The following RNF157 variants were observed in gnomAD, a reference collection of about 807,000 sequenced individuals.
RNF157 encodes ring finger protein 157.
RNF157 carries 55 observed loss-of-function variants against 88.3 expected under a neutral mutation model. That is an observed-to-expected ratio of 0.62 (90% CI 0.50 to 0.78). The LOEUF (loss-of-function observed/expected upper bound fraction) is 0.78, where lower values mean the gene tolerates loss of function less well. Among genes scored for constraint, RNF157 ranks in the 30% least tolerant of loss-of-function variants. The pLI, the probability that RNF157 is intolerant of heterozygous loss-of-function variation, is 0.00. For synonymous variants in RNF157, 334 were observed against 341.2 expected, an observed-to-expected ratio of 0.98 and a Z score of 0.23; for missense variants, 788 against 860.8, an observed-to-expected ratio of 0.92 and a Z score of 1.06.
chr17:76,225,627 G>T, intron 1 of RNF157: 2 of 819,590 alleles, frequency 2.4e-6, no homozygotes, highest in Non-Finnish European at 1.8e-6. Context: ...TTTATGGCAT[G>T]ACCTCATTGT....
chr17:76,150,036 A>G (rs541021576), intron 18 of RNF157, among the ~76,000 whole-genome samples: 1 of 152,200 alleles, frequency 6.6e-6, no homozygotes, highest in African/African-American at 2.4e-5. Context: ...CTGTCTCAAA[A>G]AAAACAAAAA....
At chr17:76,172,239 G>A (rs573340596) in intron 3 of RNF157, among the ~76,000 whole-genome samples, 8 of 152,278 alleles carry the variant, frequency 5.3e-5, no homozygotes, top group Admixed American at 2.0e-4. Flanking sequence ...GCTTGAGCCC[G>A]GGAAGTTAAG....
At chr17:76,152,576 T>TA (rs1234736703) in intron 17 of RNF157, 111 bp from the exon 18 acceptor site, 22 of 702,584 alleles carry the variant, frequency 3.1e-5, no homozygotes, top group East Asian at 5.0e-5. Flanking sequence ...AATCATATGT[T>TA]AAAAAAAAGA....
In RNF157 at chr17:76,239,539, AC is replaced by A. The variant is rs571680941; in HGVS notation, c.88+613del. On this transcript the variant is annotated intron_variant, in intron 1 of 18. Transcript: ENST00000269391. ...ATTTCTGTTACTTTCCACCACCACCACCCCCCCCACCCCCCGGCTTCTGACA... is the reference window on the plus strand; with the variant it reads ...ATTTCTGTTACTTTCCACCACCACCACCCCCCCACCCCCCGGCTTCTGACA... Among the ~76,000 whole-genome samples the A allele has an allele frequency of 7.7e-3, 555 of 72,128 alleles. 1 individual carries two copies. Among genetic ancestry groups the A allele is most frequent in the African/African-American group, 0.026 (514 of 20,016 alleles). The allele number at this position is 72,128 out of a possible 152,430, so 47.3% of individuals were successfully genotyped here.
At chr17:76,188,524 A>G (rs1288648639) in intron 2 of RNF157, among the ~76,000 whole-genome samples, 1 of 152,204 alleles carries the variant, frequency 6.6e-6, no homozygotes, top group Admixed American at 6.5e-5. Flanking sequence ...AAGCTTTCTG[A>G]GACTAAAAAT....
intron 2 of RNF157, among the ~76,000 whole-genome samples, chr17:76,191,600 C>CAAA (rs71363619): frequency 5.1e-4 from 33 of 65,136 alleles, no homozygotes; most frequent in Admixed American, 7.2e-4. Context: ...GACTCCGCCT[C>CAAA]AAAAAAAAAA....
At chr17:76,147,251 A>G in intron 18 of RNF157, 2 of 984,574 alleles carry the variant, frequency 2.0e-6, no homozygotes, top group Non-Finnish European at 2.4e-6. Flanking sequence ...CATTTATATA[A>G]TTTGGTAGAT....
rs143673096 is a variant in RNF157, at chr17:76,159,550, G to T, written c.1089C>A (p.Gly363=). 4 of 1,597,142 alleles carry T rather than the reference G, an allele frequency of 2.5e-6. No homozygotes were observed. The African/African-American group carries it at 5.4e-5, about 22-fold the overall frequency. Residue 363 remains glycine (G), a synonymous_variant, in exon 12 of 19, where the codon GGC becomes GGA. Transcript: ENST00000269391. ...CCTCCAGAAGAGATACTACTTCATA[G>T]CCTGGTGGAATATTCTCTGAGGACT... The part of the protein sequence containing the change: ...EHPSSENIPP[G]YEVVSLLEAL...
chr17:76,154,401 T>G (rs1405091292), intron 16 of RNF157, 73 bp from the exon 17 acceptor site: 6 of 959,062 alleles, frequency 6.3e-6, no homozygotes, highest in Non-Finnish European at 8.6e-6. Context: ...AAGACAGAAC[T>G]AATCATCCTA....
chr17:76,178,492 G>A (rs2069139492), intron 2 of RNF157, among the ~76,000 whole-genome samples: 1 of 152,258 alleles, frequency 6.6e-6, no homozygotes, highest in South Asian at 2.1e-4. Flanking sequence ...CTCCCTTGGA[G>A]GCGTGGGATA....
At chr17:76,211,780 T>A (rs1238921235) in intron 2 of RNF157, 1 of 152,252 alleles carries the variant, frequency 6.6e-6, no homozygotes, top group African/African-American at 2.4e-5. Flanking sequence ...TTACAAAGCC[T>A]CCTGCATGAT....
intron 2 of RNF157, among the ~76,000 whole-genome samples, chr17:76,208,936 T>C (rs1276525458): frequency 6.6e-6 from 1 of 150,920 alleles, no homozygotes; most frequent in African/African-American, 2.5e-5. Flanking sequence ...ATCGTGCCAC[T>C]GCACTCCAGC....
intron 1 of RNF157, among the ~76,000 whole-genome samples, chr17:76,222,502 C>G (rs1036767432): frequency 6.6e-6 from 1 of 152,148 alleles, no homozygotes; most frequent in Non-Finnish European, 1.5e-5. Context: ...GAATTTGGCA[C>G]AGTCAGGTTA....
intron 2 of RNF157, among the ~76,000 whole-genome samples, chr17:76,210,586 T>G (rs1486878521): frequency 4.9e-4 from 1 of 2,034 alleles, no homozygotes; most frequent in Non-Finnish European, 1.5e-3. Context: ...CCAGACTCCG[T>G]CCAAAAAAAA....
chr17:76,172,764 C>A, intron 3 of RNF157, among the ~76,000 whole-genome samples: 1 of 151,768 alleles, frequency 6.6e-6, no homozygotes, highest in Non-Finnish European at 1.5e-5. Flanking sequence ...AAATCTGGGA[C>A]CTTGATTTGC....
At chr17:76,190,252 C>T (rs2069362716) in intron 2 of RNF157, among the ~76,000 whole-genome samples, 1 of 151,644 alleles carries the variant, frequency 6.6e-6, no homozygotes, top group Admixed American at 6.6e-5. Flanking sequence ...CTGCGACTTC[C>T]ACCTCCCGGG....
intron 2 of RNF157, among the ~76,000 whole-genome samples, chr17:76,177,362 T>C (rs2069121648): frequency 7.1e-6 from 1 of 141,754 alleles, no homozygotes; most frequent in African/African-American, 2.6e-5. Context: ...TAGCTTCTGC[T>C]TGCTCTTGGT....
chr17:76,234,513 A>C (rs1440343048), intron 1 of RNF157, among the ~76,000 whole-genome samples: 1 of 152,110 alleles, frequency 6.6e-6, no homozygotes. Context: ...CGCTCTCTCC[A>C]TATCCTTACC....
chr17:76,147,019 G>C (rs1291934709), intron 18 of RNF157: 1 of 985,198 alleles, frequency 1.0e-6, no homozygotes, highest in Admixed American at 6.1e-5. Context: ...GACCCCAGGG[G>C]AACAGTGAGA....
Sources: allele counts gnomAD v4.1 joint callset (sites outside exome capture counted in the v4.1 genomes callset), GRCh38; gene constraint gnomAD v4.1.1; transcripts MANE v1.5; gene names NCBI Gene and HGNC (gene_info 2026-07-23, HGNC 2026-07-21).